Variants in ARHGAP12 observed in about 807,000 individuals in gnomAD.
The protein encoded by ARHGAP12 is rho GTPase-activating protein 12.
In ARHGAP12, 64 loss-of-function variants were observed where a neutral mutation model predicts 108.6. The ratio of observed to expected loss-of-function variants is 0.59; its 90% CI spans 0.48 to 0.73. The LOEUF is 0.73. ARHGAP12 is among the 30% of genes least tolerant of loss of function. The probability of loss-of-function intolerance (pLI) is 0.00; values close to 1 mark genes in which losing one functional copy is unlikely to be tolerated. For synonymous variants in ARHGAP12, 312 were observed against 337.2 expected (o/e 0.93, Z 0.82); for missense variants, 940 against 1,005.9 (o/e 0.93, Z 0.89).
intron 13 of ARHGAP12, among the ~76,000 whole-genome samples, chr10:31,817,369 G>A (rs966270390): frequency 1.3e-5 from 2 of 152,162 alleles, no homozygotes; most frequent in Non-Finnish European, 2.9e-5. Context: ...GGAAAAACTA[G>A]AGAACTGTCA....
intron 4 of ARHGAP12, among the ~76,000 whole-genome samples, chr10:31,856,493 ACAT>A (rs1836892015): frequency 6.6e-6 from 1 of 152,184 alleles, no homozygotes; most frequent in Non-Finnish European, 1.5e-5. Flanking sequence ...CACACTAGGA[ACAT>A]CATAGAAATT....
At chr10:31,927,873 A>C (rs1840114078) in intron 1 of ARHGAP12, among the ~76,000 whole-genome samples, 1 of 152,206 alleles carries the variant, frequency 6.6e-6, no homozygotes, top group South Asian at 2.1e-4. Flanking sequence ...CTGAGAAGAC[A>C]ACCAGCTCCC....
At chr10:31,833,491 T>C (rs2778672) in intron 9 of ARHGAP12, among the ~76,000 whole-genome samples, 78,029 of 151,962 alleles carry the variant, frequency 0.51, 20,348 homozygotes, top group African/African-American at 0.58. Flanking sequence ...AGACTGAAAC[T>C]GGAACATAAC....
At chr10:31,825,325 T>C (rs1342599068) in intron 11 of ARHGAP12, among the ~76,000 whole-genome samples, 1 of 152,134 alleles carries the variant, frequency 6.6e-6, no homozygotes, top group Non-Finnish European at 1.5e-5. Flanking sequence ...GATCCATAGG[T>C]TTTGTATTAA....
intron 4 of ARHGAP12, among the ~76,000 whole-genome samples, chr10:31,859,567 T>A (rs1837032675): frequency 6.6e-6 from 1 of 151,728 alleles, no homozygotes; most frequent in African/African-American, 2.4e-5. Context: ...TTAATCTTCA[T>A]ATAATTTGTA....
At position 31,905,114 on chromosome 10, in the gene ARHGAP12, G is replaced by A. The variant is rs192139642; in HGVS notation, c.684+3058C>T. Among the ~76,000 whole-genome samples the A allele has an allele frequency of 1.0e-3, 159 of 152,088 alleles. 2 individuals are homozygous for A. The Middle Eastern group carries it at 0.014, about 13-fold the overall frequency. Reference sequence around the variant, plus strand: ...GACTGGTTACAGAATATATACATAAGTAAAAATTCATCAAGCCATACACTG... The same window carrying A: ...GACTGGTTACAGAATATATACATAAATAAAAATTCATCAAGCCATACACTG... On this transcript the variant is annotated intron_variant, in intron 3 of 19. Transcript: ENST00000344936.
intron 3 of ARHGAP12, among the ~76,000 whole-genome samples, chr10:31,896,954 A>C (rs1452910719): frequency 3.4e-5 from 5 of 145,914 alleles, no homozygotes; most frequent in African/African-American, 1.3e-4. Flanking sequence ...GAAACCCTGG[A>C]GCTATAAACT....
At chr10:31,827,989 G>A (rs573041892) in intron 10 of ARHGAP12, among the ~76,000 whole-genome samples, 1 of 152,062 alleles carries the variant, frequency 6.6e-6, no homozygotes, top group African/African-American at 2.4e-5. Context: ...TTACTACTAA[G>A]TTTCTATGTT....
chr10:31,883,448 A>C (rs1245900728), intron 3 of ARHGAP12, among the ~76,000 whole-genome samples: 5 of 152,250 alleles, frequency 3.3e-5, no homozygotes, highest in African/African-American at 1.2e-4. Flanking sequence ...TCACTAGGTT[A>C]TCTCTCACAC....
intron 13 of ARHGAP12, among the ~76,000 whole-genome samples, chr10:31,816,390 C>T (rs1484487094): frequency 6.6e-6 from 1 of 152,154 alleles, no homozygotes; most frequent in African/African-American, 2.4e-5. Context: ...ACACTCATCA[C>T]ATTTCATTTT....
At chr10:31,872,628 C>A (rs1332704464) in intron 3 of ARHGAP12, among the ~76,000 whole-genome samples, 1 of 152,112 alleles carries the variant, frequency 6.6e-6, no homozygotes. Context: ...GGTCTACTGC[C>A]CCCATTTCTT....
chr10:31,830,018 T>A (rs900710562), intron 10 of ARHGAP12, among the ~76,000 whole-genome samples: 1 of 151,638 alleles, frequency 6.6e-6, no homozygotes, highest in Non-Finnish European at 1.5e-5. Context: ...TACAAAAAAA[T>A]GTAAAACAAT....
chr10:31,886,437 T>C (rs533568173), intron 3 of ARHGAP12, among the ~76,000 whole-genome samples: 10 of 152,198 alleles, frequency 6.6e-5, no homozygotes, highest in African/African-American at 9.7e-5. Flanking sequence ...CACTGTGACT[T>C]TGGCCTTTAA....
At chr10:31,863,356 ATATT>A (rs1170148100) in intron 3 of ARHGAP12, among the ~76,000 whole-genome samples, 7 of 152,176 alleles carry the variant, frequency 4.6e-5, no homozygotes, top group African/African-American at 1.7e-4. Context: ...TATCTAGAGA[ATATT>A]TATTCAACCA....
intron 9 of ARHGAP12, among the ~76,000 whole-genome samples, chr10:31,835,658 A>C (rs1445937737): frequency 6.6e-6 from 1 of 152,246 alleles, no homozygotes; most frequent in Non-Finnish European, 1.5e-5. Flanking sequence ...TACCAAAATC[A>C]ATACACCTGA....
intron 13 of ARHGAP12, among the ~76,000 whole-genome samples, chr10:31,815,666 A>C (rs1186596617): frequency 1.3e-5 from 2 of 152,174 alleles, no homozygotes; most frequent in African/African-American, 4.8e-5. Context: ...TTGGAAGAAA[A>C]TTATATCTTT....
Position 31,810,654 on chromosome 10 carries a change from T to G in ARHGAP12, c.2045A>C (p.Glu682Ala). 6.4e-7 allele frequency: 1 copy of G among 1,572,266 alleles called. No homozygotes were observed. Among genetic ancestry groups the G allele is most frequent in the Non-Finnish European group, 8.6e-7 (1 of 1,163,572 alleles). ...FVKLCIEHVEEHGLDIDGIYR... is the reference protein window; with the variant it reads ...FVKLCIEHVEAHGLDIDGIYR... ...AATCAAAATCCTTCTCTTACCATGT[T>G]CTTCAACATGTTCAATACATAACTT... is the stretch of plus-strand genomic sequence containing the variant. The change falls in exon 16 of 20, where the codon GAA (glutamate) becomes GCA (alanine). Residue 682 changes from glutamate to alanine, a missense_variant. Transcript: ENST00000344936.
intron 3 of ARHGAP12, among the ~76,000 whole-genome samples, chr10:31,899,127 T>C (rs1312370592): frequency 6.6e-6 from 1 of 152,126 alleles, no homozygotes; most frequent in Non-Finnish European, 1.5e-5. Context: ...GGAAAATCTA[T>C]GGAGATAGAG....
intron 1 of ARHGAP12, chr10:31,913,542 C>T: frequency 5.9e-6 from 1 of 169,030 alleles, no homozygotes; most frequent in Admixed American, 6.5e-5. Context: ...CTGCAGGTGA[C>T]AAGCAACCTT....
Sources: allele counts gnomAD v4.1 joint callset (sites outside exome capture counted in the v4.1 genomes callset), GRCh38; gene constraint gnomAD v4.1.1; transcripts MANE v1.5; gene names NCBI Gene and HGNC (gene_info 2026-07-23, HGNC 2026-07-21).